POT1: variants seen among roughly 807,000 people sequenced by gnomAD.
The protein encoded by POT1 is protection of telomeres 1, also known as protection of telomeres protein 1.
In POT1, 47 loss-of-function variants were observed where a neutral mutation model predicts 78.5. That is an observed-to-expected ratio of 0.60 (90% CI 0.47 to 0.76). POT1 has a LOEUF of 0.76. Ranked by LOEUF, POT1 falls within the 30% of genes least tolerant of loss-of-function variation. POT1 has a pLI of 0.00. For missense variants in POT1, 646 were observed against 749.9 expected (o/e 0.86, Z 1.62); for synonymous variants, 259 against 260.7 (o/e 0.99, Z 0.06).
At position 124,840,902 on chromosome 7, in the gene POT1, T is replaced by A. The variant is rs750419944; in HGVS notation, c.1369+71A>T. 25 of 1,264,184 alleles carry A rather than the reference T, an allele frequency of 2.0e-5. No homozygotes were observed. The South Asian group carries it at 3.0e-4, about 15-fold the overall frequency. 78.3% of individuals were successfully genotyped at this position (1,264,184 alleles called of 1,614,324 possible). A position where few individuals can be genotyped will look rare whatever the true frequency, so the allele number is the denominator to read the frequency against. ...TGTACTAGGTTGTCTGTAAAATGTA[T>A]TAAACAATAATTAATTAGGAAAAAT... On this transcript the variant is annotated intron_variant, in intron 14 of 18. Coordinates refer to ENST00000357628, the MANE Select transcript of POT1 (RefSeq NM_015450.3).
At chr7:124,911,237 A>G (rs1796882102) in intron 3 of POT1, among the ~76,000 whole-genome samples, 1 of 152,114 alleles carries the variant, frequency 6.6e-6, no homozygotes, top group Non-Finnish European at 1.5e-5. Context: ...TGGGGCCACC[A>G]ACTAACAAAA....
chr7:124,929,715 C>T (rs1029847977), intron 1 of POT1, 79 bp downstream of exon 1: 6 of 152,204 alleles, frequency 3.9e-5, no homozygotes, highest in African/African-American at 1.4e-4. Context: ...AAATTTTGAT[C>T]TAAACTAATT....
At chr7:124,841,260 A>C in intron 13 of POT1, 82 bp from the exon 14 acceptor site, 1 of 1,105,580 alleles carries the variant, frequency 9.0e-7, no homozygotes, top group Admixed American at 2.1e-5. Flanking sequence ...ATCAAATTAA[A>C]AAGTATCATT....
intron 4 of POT1, among the ~76,000 whole-genome samples, chr7:124,897,839 G>C (rs1040613052): frequency 4.6e-5 from 7 of 151,840 alleles, no homozygotes; most frequent in Non-Finnish European, 8.8e-5. Flanking sequence ...GTGTGTGTGT[G>C]GAAGGTAGGG....
At chr7:124,853,397 A>G in intron 9 of POT1, 1 of 265,448 alleles carries the variant, frequency 3.8e-6, no homozygotes, top group East Asian at 6.6e-5. Flanking sequence ...CAACTGTAAG[A>G]GATATTTCCA....
Position 124,841,134 on chromosome 7 carries a change from T to C in POT1, c.1208A>G (p.Asp403Gly), listed in dbSNP as rs1259730478. The change falls in exon 14 of 19, where the codon GAT (aspartate) becomes GGT (glycine). Residue 403 changes from aspartate to glycine, a missense_variant. Asp to Gly is a moderately conservative substitution (Grantham distance 94). This residue lies in a region of POT1 where 394 missense variants were observed against 408.4 expected (regional missense o/e 0.96). Coordinates refer to ENST00000357628, the MANE Select transcript of POT1 (RefSeq NM_015450.3). Reference protein sequence around the residue: ...HEGDLDIIFQDGATKTPDVKL... With the variant: ...HEGDLDIIFQGGATKTPDVKL... ...GACATCTGGGGTTTTAGTTGCACCATCCTGAAAAATTATATCCAAATCGCC... is the reference window on the plus strand; with the variant it reads ...GACATCTGGGGTTTTAGTTGCACCACCCTGAAAAATTATATCCAAATCGCC... The C allele has an allele frequency of 1.2e-6, 2 of 1,612,842 alleles. No individual in the cohort carries two copies. Among genetic ancestry groups the C allele is most frequent in the Non-Finnish European group, 1.7e-6 (2 of 1,179,206 alleles).
chr7:124,839,354 C>T (rs1266222905), intron 14 of POT1, among the ~76,000 whole-genome samples: 1 of 152,144 alleles, frequency 6.6e-6, no homozygotes, highest in East Asian at 1.9e-4. Context: ...ACATAAAGAA[C>T]TGTAAAGCAG....
intron 3 of POT1, among the ~76,000 whole-genome samples, chr7:124,906,403 AC>A (rs886523081): frequency 6.7e-6 from 1 of 149,228 alleles, no homozygotes; most frequent in African/African-American, 2.5e-5. Flanking sequence ...AAAACCAATC[AC>A]CACATGTTCT....
chr7:124,922,885 C>T (rs780752394), intron 2 of POT1, among the ~76,000 whole-genome samples: 9 of 151,448 alleles, frequency 5.9e-5, no homozygotes, highest in Non-Finnish European at 1.0e-4. Context: ...CTTAAAATAC[C>T]AAACCATAAG....
intron 18 of POT1, 89 bp from the exon 19 acceptor site, chr7:124,824,163 G>C (rs902280019): frequency 2.8e-6 from 2 of 702,278 alleles, no homozygotes; most frequent in African/African-American, 3.7e-5. Context: ...CACTGAGCTA[G>C]AAAAATTAAC....
intron 6 of POT1, among the ~76,000 whole-genome samples, chr7:124,882,542 T>C (rs1563003389): frequency 6.6e-6 from 1 of 152,010 alleles, no homozygotes. Context: ...TATTATGATA[T>C]ATACAGTGAC....
At chr7:124,866,670 T>A (rs769853403) in intron 7 of POT1, among the ~76,000 whole-genome samples, 22 of 152,200 alleles carry the variant, frequency 1.4e-4, no homozygotes, top group Non-Finnish European at 3.1e-4. Flanking sequence ...AACTTCAGCT[T>A]ACTGTGCAGT....
chr7:124,918,101 G>C (rs984061320), intron 2 of POT1, among the ~76,000 whole-genome samples: 9 of 152,144 alleles, frequency 5.9e-5, no homozygotes, highest in African/African-American at 2.2e-4. Context: ...GAGCCAGCAG[G>C]GCATGGCCCA....
intron 15 of POT1, among the ~76,000 whole-genome samples, chr7:124,834,066 T>C (rs1794833696): frequency 6.6e-6 from 1 of 152,102 alleles, no homozygotes; most frequent in African/African-American, 2.4e-5. Context: ...TGCAGAAAAC[T>C]GAAACTGGAT....
intron 6 of POT1, among the ~76,000 whole-genome samples, chr7:124,890,431 A>G (rs904989481): frequency 6.6e-6 from 1 of 151,992 alleles, no homozygotes; most frequent in Non-Finnish European, 1.5e-5. Flanking sequence ...CTTAGTTGAT[A>G]ATGCAGCAGC....
chr7:124,891,235 G>A (rs1392952137), intron 6 of POT1, among the ~76,000 whole-genome samples: 1 of 151,664 alleles, frequency 6.6e-6, no homozygotes, highest in Non-Finnish European at 1.5e-5. Context: ...TTTTCTTGGT[G>A]AATTAACCCT....
chr7:124,845,289 T>G (rs1006601206), intron 12 of POT1, among the ~76,000 whole-genome samples: 3 of 152,226 alleles, frequency 2.0e-5, no homozygotes, highest in Admixed American at 6.5e-5. Flanking sequence ...TTAGACTTCT[T>G]TAATGTAAAA....
At chr7:124,844,076 A>T in intron 12 of POT1, among the ~76,000 whole-genome samples, 1 of 151,202 alleles carries the variant, frequency 6.6e-6, no homozygotes, top group South Asian at 2.1e-4. Context: ...TTATTACATC[A>T]GAGTGGAACA....
intron 9 of POT1, among the ~76,000 whole-genome samples, chr7:124,856,241 A>G (rs775204735): frequency 2.6e-5 from 4 of 152,240 alleles, no homozygotes; most frequent in Non-Finnish European, 5.9e-5. Flanking sequence ...GAATTCATTT[A>G]TATCAATGTC....
Sources: allele counts gnomAD v4.1 joint callset (sites outside exome capture counted in the v4.1 genomes callset), GRCh38; gene constraint gnomAD v4.1.1; regional missense constraint gnomAD v4.1.1; transcripts MANE v1.5; gene names NCBI Gene and HGNC (gene_info 2026-07-23, HGNC 2026-07-21).